UTY: variants seen among roughly 807,000 people sequenced by gnomAD.
UTY encodes the protein histone demethylase UTY.
A neutral mutation model predicts 32.5 loss-of-function variants in UTY; 12 were observed. That is an observed-to-expected ratio of 0.37 (90% confidence interval 0.24 to 0.60). The LOEUF (loss-of-function observed/expected upper bound fraction) is 0.60, where lower values mean the gene tolerates loss of function less well. Among genes scored for constraint, UTY ranks in the 20% least tolerant of loss-of-function variants. The pLI, the probability that UTY is intolerant of heterozygous loss-of-function variation, is 0.69. For synonymous variants in UTY, 131 were observed against 103.4 expected (o/e 1.27, Z -1.62); for missense variants, 303 against 299.2 (o/e 1.01, Z -0.09).
intron 28 of UTY, among the ~76,000 whole-genome samples, chrY:13,239,528 T>A (rs1603219481): frequency 3.0e-5 from 1 of 33,713 alleles, no homozygotes; most frequent in East Asian, 7.8e-4. Context: ...TGGCACATTA[T>A]AGTGAAACTG....
intron 4 of UTY, among the ~76,000 whole-genome samples, chrY:13,425,642 G>C (rs2073150688): frequency 2.9e-5 from 1 of 34,425 alleles, no homozygotes; most frequent in East Asian, 7.5e-4. Flanking sequence ...TCAGCATTAA[G>C]TTCCAGTAAC....
At chrY:13,266,842 G>A (rs1030060217) in intron 27 of UTY, among the ~76,000 whole-genome samples, 4 of 33,341 alleles carry the variant, frequency 1.2e-4, no homozygotes, top group Non-Finnish European at 2.2e-4. Flanking sequence ...TAAAACCTGA[G>A]TTCTAATTTG....
At chrY:13,365,126 C>T in intron 10 of UTY, among the ~76,000 whole-genome samples, 1 of 33,369 alleles carries the variant, frequency 3.0e-5, no homozygotes. Flanking sequence ...AATTTAAATA[C>T]TAAATTGAAA....
intron 3 of UTY, among the ~76,000 whole-genome samples, chrY:13,453,997 G>C (rs766133189): frequency 9.8e-5 from 3 of 30,715 alleles, no homozygotes; most frequent in Admixed American, 2.9e-4. Flanking sequence ...CGAGGCGGCT[G>C]GATCACCTGA....
chrY:13,380,632 G>A (rs2066027775), intron 8 of UTY, among the ~76,000 whole-genome samples: 1 of 32,374 alleles, frequency 3.1e-5, no homozygotes, highest in African/African-American at 1.2e-4. Flanking sequence ...AATAAATGCC[G>A]ACACATTTAT....
At chrY:13,439,120 T>A (rs2074960894) in intron 4 of UTY, among the ~76,000 whole-genome samples, 1 of 32,446 alleles carries the variant, frequency 3.1e-5, no homozygotes. Context: ...AACAGATGGG[T>A]CCTATAAATC....
At chrY:13,437,713 T>C (rs1444904318) in intron 4 of UTY, among the ~76,000 whole-genome samples, 5 of 33,119 alleles carry the variant, frequency 1.5e-4, no homozygotes, top group Non-Finnish European at 7.4e-5. Context: ...TCAGAAGTCC[T>C]CCAAAAGCCC....
At chrY:13,411,246 G>A (rs892325748) in intron 5 of UTY, 133 bp from the exon 6 acceptor site, 3 of 143,646 alleles carry the variant, frequency 2.1e-5, no homozygotes, top group Non-Finnish European at 3.4e-5. Context: ...ATGAATGAAC[G>A]GAAAAGATTA....
chrY:13,458,958 T>A (rs2077128989), intron 3 of UTY, among the ~76,000 whole-genome samples: 1 of 31,773 alleles, frequency 3.1e-5, no homozygotes. Context: ...TAGGTGGGAA[T>A]TGAACCATGA....
At chrY:13,313,516 G>T in intron 21 of UTY, among the ~76,000 whole-genome samples, 1 of 33,394 alleles carries the variant, frequency 3.0e-5, no homozygotes, top group Non-Finnish European at 7.4e-5. Flanking sequence ...AATTTACTGA[G>T]GCTCCAGAGG....
intron 8 of UTY, among the ~76,000 whole-genome samples, chrY:13,386,329 T>C (rs2066756664): frequency 6.9e-5 from 2 of 28,834 alleles, no homozygotes; most frequent in African/African-American, 1.4e-4. Flanking sequence ...CTCGATCTCC[T>C]GACCTCGTGA....
At chrY:13,386,853 C>A (rs751609384) in intron 8 of UTY, among the ~76,000 whole-genome samples, 27 of 32,780 alleles carry the variant, frequency 8.2e-4, no homozygotes, top group African/African-American at 3.1e-3. Flanking sequence ...GATGGTGGCA[C>A]ATGCCTGTAA....
chrY:13,330,627 TG>T (rs2060617634), intron 18 of UTY, among the ~76,000 whole-genome samples: 1 of 33,460 alleles, frequency 3.0e-5, no homozygotes, highest in Non-Finnish European at 7.4e-5. Context: ...GAGTTTTCTT[TG>T]CACCCCACTG....
chrY:13,261,642 C>T (rs2055278305), intron 27 of UTY, among the ~76,000 whole-genome samples: 1 of 32,911 alleles, frequency 3.0e-5, no homozygotes, highest in South Asian at 6.7e-4. Context: ...CTTTTCCTTA[C>T]TTTTTAAATC....
At chrY:13,348,395 T>C in intron 17 of UTY, among the ~76,000 whole-genome samples, 1 of 34,195 alleles carries the variant, frequency 2.9e-5, no homozygotes, top group Admixed American at 2.6e-4. Flanking sequence ...ATCCAACCAT[T>C]AATCAAAACT....
intron 3 of UTY, among the ~76,000 whole-genome samples, chrY:13,451,568 G>C (rs2076317471): frequency 3.0e-5 from 1 of 33,154 alleles, no homozygotes; most frequent in Non-Finnish European, 7.4e-5. Context: ...GGAGGGCAGG[G>C]TGGTACTAAT....
chrY:13,280,862 A>C, intron 27 of UTY, among the ~76,000 whole-genome samples: 5 of 32,172 alleles, frequency 1.6e-4, no homozygotes, highest in African/African-American at 6.1e-4. Flanking sequence ...CTTTAAGAAT[A>C]AAATTACCAA....
intron 5 of UTY, among the ~76,000 whole-genome samples, chrY:13,411,685 C>A: frequency 3.1e-5 from 1 of 32,636 alleles, no homozygotes; most frequent in Non-Finnish European, 7.5e-5. Flanking sequence ...CAGAGAGGAT[C>A]TCTCTTTGAT....
chrY:13,306,456 TC>T (rs2058691578), intron 21 of UTY, among the ~76,000 whole-genome samples: 2 of 33,287 alleles, frequency 6.0e-5, no homozygotes, highest in African/African-American at 1.2e-4. Flanking sequence ...GTACTCAACA[TC>T]CTCCATCATC....
Sources: allele counts gnomAD v4.1 joint callset (sites outside exome capture counted in the v4.1 genomes callset), GRCh38; gene constraint gnomAD v4.1.1; transcripts MANE v1.5; gene names NCBI Gene and HGNC (gene_info 2026-07-23, HGNC 2026-07-21).